Variants in NR3C2 observed in about 807,000 individuals in gnomAD.
NR3C2 encodes mineralocorticoid receptor.
In NR3C2, 15 loss-of-function variants were observed where a neutral mutation model predicts 86.4. That is an observed-to-expected ratio of 0.17 (90% CI 0.12 to 0.27). The LOEUF (loss-of-function observed/expected upper bound fraction) is 0.27, where lower values mean the gene tolerates loss of function less well. Ranked by LOEUF, NR3C2 falls within the 10% of genes least tolerant of loss-of-function variation. The pLI, the probability that NR3C2 is intolerant of heterozygous loss-of-function variation, is 1.00. For missense variants in NR3C2, 960 were observed against 1,195.6 expected (o/e 0.80, Z 2.91); for synonymous variants, 458 against 450.5 (o/e 1.02, Z -0.21).
intron 7 of NR3C2, 139 bp from the exon 8 acceptor site, chr4:148,114,400 T>C: frequency 1.1e-6 from 1 of 887,014 alleles, no homozygotes. Context: ...ATGGCAGCTG[T>C]CTACTGGCAA....
intron 4 of NR3C2, among the ~76,000 whole-genome samples, chr4:148,162,320 G>A (rs1363887888): frequency 1.3e-5 from 2 of 152,186 alleles, no homozygotes; most frequent in Admixed American, 6.5e-5. Context: ...TAGACAGATG[G>A]TGAGCATGAT....
At chr4:148,135,334 AG>A (rs1439374727) in intron 6 of NR3C2, among the ~76,000 whole-genome samples, 2 of 152,060 alleles carry the variant, frequency 1.3e-5, no homozygotes, top group Non-Finnish European at 2.9e-5. Context: ...CCTTTATAAA[AG>A]GGGTTGAGGG....
In NR3C2 at chr4:148,270,769, G is replaced by A. The variant is rs565181445; in HGVS notation, c.1758-10652C>T. Among the ~76,000 whole-genome samples, 5 of 152,270 alleles carry A rather than the reference G, an allele frequency of 3.3e-5. No individual in the cohort carries two copies. The East Asian group carries it at 5.8e-4, about 18-fold the overall frequency. On this transcript the variant is annotated intron_variant, in intron 2 of 8. Coordinates refer to ENST00000358102, the MANE Select transcript of NR3C2 (RefSeq NM_000901.5). ...ATGACTGACTCTGCAAAGAAATTCA[G>A]AGCCACCTTTTCTAGTCTAGCCCCA...
chr4:148,215,723 AT>A (rs1490633100), intron 3 of NR3C2, among the ~76,000 whole-genome samples: 1 of 151,768 alleles, frequency 6.6e-6, no homozygotes, highest in Non-Finnish European at 1.5e-5. Flanking sequence ...CACTGCAAAG[AT>A]CTAGGAGATC....
chr4:148,194,525 G>C (rs948285850), intron 4 of NR3C2, among the ~76,000 whole-genome samples: 2 of 152,036 alleles, frequency 1.3e-5, no homozygotes, highest in Admixed American at 1.3e-4. Flanking sequence ...ACTCAGGCTC[G>C]AAAAATTCAC....
At chr4:148,268,085 C>T (rs929862562) in intron 2 of NR3C2, among the ~76,000 whole-genome samples, 1 of 151,896 alleles carries the variant, frequency 6.6e-6, no homozygotes, top group Non-Finnish European at 1.5e-5. Flanking sequence ...ATTACAGGCA[C>T]CCACCACCAA....
rs1553990750 is a variant in NR3C2, at chr4:148,154,722, G to C, written c.2194C>G (p.Arg732Gly). The C allele has an allele frequency of 1.9e-6, 3 of 1,612,486 alleles. No homozygotes were observed. Among genetic ancestry groups the C allele is most frequent in the Admixed American group, 1.7e-5 (1 of 59,880 alleles). The part of the protein sequence containing the change: ...ALVPQLSTIS[R>G]ALTPSPVMVL... ...ATAACGGGGGAAGGTGTGAGCGCTCGTGAGATTGTGGAGAGCTGAGGAACC... is the reference window on the plus strand; with the variant it reads ...ATAACGGGGGAAGGTGTGAGCGCTCCTGAGATTGTGGAGAGCTGAGGAACC... Residue 732 changes from arginine to glycine, a missense_variant, in exon 5 of 9, where the codon CGA becomes GGA. By Grantham distance (125) the Arg-to-Gly change is moderately radical (BLOSUM62 -2). Transcript: ENST00000358102.
intron 2 of NR3C2, among the ~76,000 whole-genome samples, chr4:148,407,828 ATTTACTACTGGAAT>A (rs1488323580): frequency 6.6e-6 from 1 of 152,114 alleles, no homozygotes; most frequent in Non-Finnish European, 1.5e-5. Context: ...TCCCATCACT[ATTTACTACTGGAAT>A]GATGTTCAAT....
chr4:148,403,366 T>G (rs1560712836), intron 2 of NR3C2, among the ~76,000 whole-genome samples: 1 of 152,204 alleles, frequency 6.6e-6, no homozygotes, highest in East Asian at 1.9e-4. Context: ...AATATCTTTA[T>G]TACAGACTAA....
intron 4 of NR3C2, among the ~76,000 whole-genome samples, chr4:148,182,399 T>A (rs1735687184): frequency 1.3e-5 from 2 of 152,240 alleles, no homozygotes; most frequent in African/African-American, 4.8e-5. Flanking sequence ...AGTTAATTAT[T>A]TAATTCATGA....
At chr4:148,293,721 C>A (rs1256908726) in intron 2 of NR3C2, among the ~76,000 whole-genome samples, 1 of 152,142 alleles carries the variant, frequency 6.6e-6, no homozygotes, top group Non-Finnish European at 1.5e-5. Context: ...CTGCAGAGCT[C>A]AGTCCTTGAC....
intron 2 of NR3C2, among the ~76,000 whole-genome samples, chr4:148,286,716 C>G (rs1035538208): frequency 6.6e-6 from 1 of 152,090 alleles, no homozygotes; most frequent in Non-Finnish European, 1.5e-5. Context: ...GGATGAGATA[C>G]AGGGTTAAAA....
At chr4:148,342,621 T>C (rs911784188) in intron 2 of NR3C2, among the ~76,000 whole-genome samples, 3 of 152,168 alleles carry the variant, frequency 2.0e-5, no homozygotes, top group African/African-American at 2.4e-5. Context: ...TTCCCACATA[T>C]CTGAACCTGC....
At chr4:148,134,635 CTCTCTCTCTTTTT>C (rs1402382473) in intron 6 of NR3C2, among the ~76,000 whole-genome samples, 14 of 67,650 alleles carry the variant, frequency 2.1e-4, no homozygotes, top group African/African-American at 6.7e-4. Context: ...TTCTCTCTCT[CTCTCTCTCTTTTT>C]TTTTTTTTTT....
intron 3 of NR3C2, 138 bp from the exon 4 acceptor site, chr4:148,195,000 G>A: frequency 1.5e-6 from 1 of 686,236 alleles, no homozygotes; most frequent in South Asian, 1.7e-5. Context: ...CATGATTTGT[G>A]GATAATATAG....
intron 2 of NR3C2, among the ~76,000 whole-genome samples, chr4:148,337,254 G>T (rs749323037): frequency 6.6e-6 from 1 of 152,148 alleles, no homozygotes; most frequent in Non-Finnish European, 1.5e-5. Flanking sequence ...CTTTTTCAGT[G>T]GCATGGGAAG....
intron 8 of NR3C2, among the ~76,000 whole-genome samples, chr4:148,091,795 T>C (rs1371185950): frequency 2.0e-5 from 3 of 152,134 alleles, no homozygotes; most frequent in African/African-American, 7.2e-5. Flanking sequence ...CTGTCCCCAG[T>C]ACAGAGCTGA....
At chr4:148,220,027 G>A (rs1169456609) in intron 3 of NR3C2, among the ~76,000 whole-genome samples, 1 of 151,890 alleles carries the variant, frequency 6.6e-6, no homozygotes, top group Non-Finnish European at 1.5e-5. Flanking sequence ...GGCTCAAGCA[G>A]CTCTCACACC....
intron 2 of NR3C2, among the ~76,000 whole-genome samples, chr4:148,377,483 G>C (rs778467204): frequency 6.6e-6 from 1 of 152,226 alleles, no homozygotes; most frequent in Non-Finnish European, 1.5e-5. Flanking sequence ...CTCAGTGGCA[G>C]AGGGGGCACA....
Sources: gnomAD v4.1 joint callset for allele counts (sites outside exome capture counted in the v4.1 genomes callset) on GRCh38, gnomAD v4.1.1 for gene constraint, MANE v1.5 for transcripts, NCBI Gene and HGNC (gene_info 2026-07-23, HGNC 2026-07-21) for gene names.